SLIT1: variants seen among roughly 807,000 people sequenced by gnomAD.
The protein encoded by SLIT1 is slit guidance ligand 1.
In SLIT1, 66 loss-of-function variants were observed where a neutral mutation model predicts 186.1. The observed-to-expected ratio is 0.35, with a 90% CI of 0.29 to 0.44. SLIT1 has a LOEUF of 0.44. Among genes scored for constraint, SLIT1 ranks in the 20% least tolerant of loss-of-function variants. SLIT1 has a pLI of 1.00. For synonymous variants in SLIT1, 761 were observed against 833.8 expected, an observed-to-expected ratio of 0.91 and a Z score of 1.50; for missense variants, 1,638 against 2,037.4, an observed-to-expected ratio of 0.80 and a Z score of 3.77.
chr10:97,182,652 C>T (rs1850355100), intron 1 of SLIT1, among the ~76,000 whole-genome samples: 2 of 152,232 alleles, frequency 1.3e-5, no homozygotes, highest in African/African-American at 2.4e-5. Flanking sequence ...CTAGGAAGTT[C>T]CCAGAGGAAA....
chr10:97,088,023 G>T (rs1389419279), intron 4 of SLIT1, among the ~76,000 whole-genome samples: 2 of 151,934 alleles, frequency 1.3e-5, no homozygotes, highest in Non-Finnish European at 1.5e-5. Context: ...GCATTCGAGT[G>T]GCACAGCACT....
intron 4 of SLIT1, among the ~76,000 whole-genome samples, chr10:97,152,058 A>G (rs941181759): frequency 6.6e-6 from 1 of 152,184 alleles, no homozygotes; most frequent in African/African-American, 2.4e-5. Flanking sequence ...AAATGCCTCC[A>G]GGGCAGCATC....
intron 13 of SLIT1, among the ~76,000 whole-genome samples, chr10:97,052,941 G>A (rs1415995407): frequency 6.6e-6 from 1 of 152,120 alleles, no homozygotes; most frequent in African/African-American, 2.4e-5. Flanking sequence ...TTGCTTTACA[G>A]CCTTCAATAA....
chr10:97,045,032 G>A (rs1848722804), intron 18 of SLIT1, among the ~76,000 whole-genome samples: 1 of 152,150 alleles, frequency 6.6e-6, no homozygotes, highest in South Asian at 2.1e-4. Context: ...AGGACACAAT[G>A]AGAAGTCAGA....
intron 23 of SLIT1, 99 bp downstream of exon 23, chr10:97,034,372 C>G: frequency 1.2e-6 from 1 of 854,842 alleles, no homozygotes. Flanking sequence ...AAGGCGTCTG[C>G]AGGCGAGGGA....
chr10:97,000,924 G>C lies in SLIT1; in HGVS notation c.*188C>G. On this transcript the variant is annotated 3_prime_UTR_variant, in exon 37 of 37. Coordinates refer to ENST00000266058, the MANE Select transcript of SLIT1 (RefSeq NM_003061.3). ...CGCAGCTCAGGCCTCGCCCACCCCC[G>C]CTGCCCCCAGCTATGGCGCAATTTG... 1.7e-6 allele frequency: 1 copy of C among 595,096 alleles called. No homozygotes were observed. Among genetic ancestry groups the C allele is most frequent in the Admixed American group, 3.0e-5 (1 of 33,788 alleles). The allele number at this position is 595,096 out of a possible 1,614,324, so 36.9% of individuals were successfully genotyped here.
intron 4 of SLIT1, among the ~76,000 whole-genome samples, chr10:97,091,099 T>G (rs1334879920): frequency 6.6e-6 from 1 of 152,268 alleles, no homozygotes; most frequent in Non-Finnish European, 1.5e-5. Context: ...TATCATTCTA[T>G]CACCTATCCC....
chr10:97,111,815 C>T (rs1246315305), intron 4 of SLIT1, among the ~76,000 whole-genome samples: 1 of 152,150 alleles, frequency 6.6e-6, no homozygotes, highest in Non-Finnish European at 1.5e-5. Context: ...TGGCCCACCA[C>T]CCTGTTACTC....
rs1021807457 is a variant in SLIT1 at position 97,008,973 on chromosome 10, G to A, written c.3341+2020C>T. On this transcript the variant is annotated intron_variant, in intron 31 of 36. Coordinates refer to ENST00000266058, the MANE Select transcript of SLIT1 (RefSeq NM_003061.3). ...CGGCTCACTGCAAGCTCTGCCTCCC[G>A]GGTTCATGCCATTCTCCTGCCTCAG... 5.3e-5 allele frequency among the ~76,000 whole-genome samples: 8 copies of A among 151,760 alleles called. No homozygotes were observed. In the East Asian group the frequency reaches 5.8e-4, roughly 11 times the overall value.
intron 3 of SLIT1, among the ~76,000 whole-genome samples, chr10:97,158,839 G>A (rs934885011): frequency 1.1e-4 from 16 of 151,326 alleles, no homozygotes; most frequent in Non-Finnish European, 1.9e-4. Context: ...TCACGCCACC[G>A]CACTCCAGCC....
intron 4 of SLIT1, among the ~76,000 whole-genome samples, chr10:97,146,796 T>C (rs959932363): frequency 6.6e-6 from 1 of 152,178 alleles, no homozygotes; most frequent in Non-Finnish European, 1.5e-5. Flanking sequence ...CGCCCCTTTT[T>C]TCAGCCTTCG....
chr10:97,051,261 C>CAAAAAAAAAAAAA (rs5787214), intron 13 of SLIT1, among the ~76,000 whole-genome samples: 1 of 147,868 alleles, frequency 6.8e-6, no homozygotes, highest in Non-Finnish European at 1.5e-5. Context: ...AATCAAAATG[C>CAAAAAAAAAAAAA]AAAAAAAAAA....
At chr10:97,070,083 G>A (rs956972175) in intron 4 of SLIT1, among the ~76,000 whole-genome samples, 6 of 152,182 alleles carry the variant, frequency 3.9e-5, no homozygotes, top group Middle Eastern at 3.2e-3. Flanking sequence ...GCCAGCCTGT[G>A]AGCCAGCCAT....
At chr10:97,078,917 C>T (rs892475716) in intron 4 of SLIT1, among the ~76,000 whole-genome samples, 1 of 152,326 alleles carries the variant, frequency 6.6e-6, no homozygotes, top group African/African-American at 2.4e-5. Context: ...CAGGCACCTA[C>T]AAGGAACAGT....
chr10:97,065,452 G>A, intron 5 of SLIT1: 1 of 154,750 alleles, frequency 6.5e-6, no homozygotes, highest in Middle Eastern at 3.4e-3. Flanking sequence ...CTTCAAGGAG[G>A]TGGTAAGCCT....
intron 4 of SLIT1, among the ~76,000 whole-genome samples, chr10:97,137,966 G>A (rs905910383): frequency 2.6e-5 from 4 of 152,236 alleles, no homozygotes; most frequent in Non-Finnish European, 4.4e-5. Flanking sequence ...CCCCGAGCCG[G>A]TGAGTAGCAG....
Position 97,062,685 on chromosome 10 carries a change from A to G in SLIT1, c.793+770T>C, listed in dbSNP as rs374920632. ...GGGCACCTGCACCAGGAAGGGGCAG[A>G]GGCAGGCCAGGCACAGCTGGGGGAG... On this transcript the variant is annotated intron_variant, in intron 8 of 36. Coordinates refer to ENST00000266058, the MANE Select transcript of SLIT1 (RefSeq NM_003061.3). 3.9e-5 allele frequency among the ~76,000 whole-genome samples: 6 copies of G among 152,220 alleles called. No homozygotes were observed. In the East Asian group the frequency reaches 5.8e-4, roughly 15 times the overall value.
At chr10:97,108,461 G>T (rs1453225700) in intron 4 of SLIT1, among the ~76,000 whole-genome samples, 1 of 152,204 alleles carries the variant, frequency 6.6e-6, no homozygotes, top group African/African-American at 2.4e-5. Context: ...CAAATCGAGA[G>T]TTCCAGAGGG....
intron 1 of SLIT1, among the ~76,000 whole-genome samples, chr10:97,182,971 GA>G (rs11410736): frequency 3.3e-3 from 468 of 142,830 alleles, no homozygotes; most frequent in Middle Eastern, 0.011. Context: ...TACAAAAAAG[GA>G]AAAAAAAAAA....
Sources: gnomAD v4.1 joint callset for allele counts (sites outside exome capture counted in the v4.1 genomes callset) on GRCh38, gnomAD v4.1.1 for gene constraint, MANE v1.5 for transcripts, NCBI Gene and HGNC (gene_info 2026-07-23, HGNC 2026-07-21) for gene names.